DPP6: variants seen among roughly 807,000 people sequenced by gnomAD.
The protein encoded by DPP6 is dipeptidyl peptidase like 6.
Under a neutral mutation model 122.6 loss-of-function variants are expected in DPP6, and 69 were observed. That is an observed-to-expected ratio of 0.56 (90% CI 0.46 to 0.69). DPP6 has a LOEUF of 0.69. Among genes scored for constraint, DPP6 ranks in the 30% least tolerant of loss-of-function variants. DPP6 has a pLI of 0.00. For missense variants in DPP6, 928 were observed against 1,116.9 expected (o/e 0.83, Z 2.41); for synonymous variants, 418 against 433.1 (o/e 0.97, Z 0.43).
intron 1 of DPP6, among the ~76,000 whole-genome samples, chr7:154,033,905 ACTT>A (rs1799385247): frequency 6.6e-6 from 1 of 152,082 alleles, no homozygotes; most frequent in Non-Finnish European, 1.5e-5. Flanking sequence ...TGGTTTCTAG[ACTT>A]CTTTGCAATT....
At chr7:154,280,647 G>T (rs1462827571) in intron 1 of DPP6, among the ~76,000 whole-genome samples, 2 of 152,098 alleles carry the variant, frequency 1.3e-5, no homozygotes, top group Non-Finnish European at 2.9e-5. Flanking sequence ...TAATAAGTGG[G>T]TTTATTGTCA....
rs142365878 is a variant in DPP6 at position 154,276,822 on chromosome 7, T to G, written c.244-169392T>G. Among the ~76,000 whole-genome samples the G allele has an allele frequency of 3.5e-3, 534 of 152,348 alleles. 3 individuals carry two copies. The highest frequency in any genetic ancestry group is 0.012 in the African/African-American group (515 of 41,582). On this transcript the variant is annotated intron_variant, in intron 1 of 25. Transcript: ENST00000377770. ...CACATAAGTTTCTTAAGTGAGCATT[T>G]CTGTTTAAAAACATTGTATTACATA...
At chr7:154,060,337 GCACCCCC>G (rs1801574853) in intron 1 of DPP6, among the ~76,000 whole-genome samples, 1 of 125,374 alleles carries the variant, frequency 8.0e-6, no homozygotes. Flanking sequence ...GGAGGGGGAG[GCACCCCC>G]CGCGAGGCAG....
At chr7:153,919,377 T>C (rs1800527841) in intron 1 of DPP6, among the ~76,000 whole-genome samples, 2 of 152,184 alleles carry the variant, frequency 1.3e-5, no homozygotes, top group South Asian at 4.1e-4. Flanking sequence ...CCAGAGGGCC[T>C]GAAGGAAAGC....
intron 1 of DPP6, among the ~76,000 whole-genome samples, chr7:154,150,578 C>T (rs1796360813): frequency 1.3e-5 from 2 of 152,216 alleles, no homozygotes; most frequent in Admixed American, 1.3e-4. Context: ...TTTGCCAAGT[C>T]TCCAAAGAAT....
At chr7:154,262,853 CTG>C (rs576979341) in intron 1 of DPP6, among the ~76,000 whole-genome samples, 160 of 152,256 alleles carry the variant, frequency 1.1e-3, no homozygotes, top group Non-Finnish European at 2.0e-3. Context: ...TATGGTTTAA[CTG>C]TATTTTTCAC....
chr7:153,926,754 A>G (rs61289554), intron 1 of DPP6, among the ~76,000 whole-genome samples: 1 of 152,106 alleles, frequency 6.6e-6, no homozygotes, highest in African/African-American at 2.4e-5. Context: ...GTAGCATTCC[A>G]TGAAATAAAC....
chr7:154,867,443 G>T (rs1270836430), intron 17 of DPP6, among the ~76,000 whole-genome samples: 1 of 152,182 alleles, frequency 6.6e-6, no homozygotes, highest in Non-Finnish European at 1.5e-5. Context: ...GTGAAGCAAG[G>T]CTCACACGAC....
At chr7:154,662,613 A>G (rs868046255) in intron 6 of DPP6, among the ~76,000 whole-genome samples, 6 of 110,196 alleles carry the variant, frequency 5.4e-5, no homozygotes, top group African/African-American at 7.6e-5. Flanking sequence ...TAGTGTTCAT[A>G]TAGTCATGGT....
At chr7:154,314,759 T>C (rs1024536642) in intron 1 of DPP6, among the ~76,000 whole-genome samples, 2 of 152,124 alleles carry the variant, frequency 1.3e-5, no homozygotes, top group Non-Finnish European at 2.9e-5. Context: ...CTTTTTTTTT[T>C]CCTCCAAATC....
intron 5 of DPP6, among the ~76,000 whole-genome samples, chr7:154,580,186 C>T (rs1831965729): frequency 6.7e-6 from 1 of 150,292 alleles, no homozygotes; most frequent in African/African-American, 2.5e-5. Flanking sequence ...TGCACACATA[C>T]TCTCCCTCCC....
chr7:154,609,624 CACAT>C (rs1327637786), intron 5 of DPP6, among the ~76,000 whole-genome samples: 13 of 152,310 alleles, frequency 8.5e-5, no homozygotes, highest in Non-Finnish European at 1.5e-4. Flanking sequence ...TGCATGCACA[CACAT>C]ACATGAGCAC....
chr7:154,041,526 T>G (rs527694045), intron 1 of DPP6, among the ~76,000 whole-genome samples: 1 of 152,346 alleles, frequency 6.6e-6, no homozygotes, highest in South Asian at 2.1e-4. Flanking sequence ...CGTCTGATGC[T>G]TAGCGACCTA....
chr7:154,414,775 C>T (rs1586201951), intron 1 of DPP6, among the ~76,000 whole-genome samples: 2 of 152,172 alleles, frequency 1.3e-5, no homozygotes. Flanking sequence ...CCTTGTGTGG[C>T]TGTCAAGTTA....
At chr7:154,823,015 G>T (rs1799902540) in intron 16 of DPP6, among the ~76,000 whole-genome samples, 1 of 152,154 alleles carries the variant, frequency 6.6e-6, no homozygotes, top group Admixed American at 6.5e-5. Flanking sequence ...ACTATACTTT[G>T]GGGCCAATGC....
At chr7:154,634,450 A>T (rs1835603179) in intron 5 of DPP6, among the ~76,000 whole-genome samples, 1 of 152,020 alleles carries the variant, frequency 6.6e-6, no homozygotes, top group Admixed American at 6.5e-5. Context: ...AAAGGATTAT[A>T]AATCATGCTG....
chr7:153,997,458 T>C (rs921850679), intron 1 of DPP6, among the ~76,000 whole-genome samples: 1 of 152,108 alleles, frequency 6.6e-6, no homozygotes, highest in African/African-American at 2.4e-5. Context: ...GTCAGTTTCA[T>C]TCATCCCATG....
At chr7:154,255,522 G>A (rs1392174194) in intron 1 of DPP6, among the ~76,000 whole-genome samples, 1 of 152,168 alleles carries the variant, frequency 6.6e-6, no homozygotes, top group Admixed American at 6.5e-5. Context: ...AGCACACCTG[G>A]AAGCCAGGAG....
At chr7:154,579,471 A>C (rs13243712) in intron 5 of DPP6, among the ~76,000 whole-genome samples, 12,812 of 152,350 alleles carry the variant, frequency 0.084, 547 homozygotes, top group Middle Eastern at 0.1. Context: ...TAAATGATTT[A>C]TTAGAAATAA....
Sources: allele counts gnomAD v4.1 joint callset (sites outside exome capture counted in the v4.1 genomes callset), GRCh38; gene constraint gnomAD v4.1.1; transcripts MANE v1.5; gene names NCBI Gene and HGNC (gene_info 2026-07-23, HGNC 2026-07-21).